GSAP: variants seen among roughly 807,000 people sequenced by gnomAD.
GSAP encodes gamma-secretase activating protein.
A neutral mutation model predicts 131.7 loss-of-function variants in GSAP; 118 were observed. The observed-to-expected ratio is 0.90, with a 90% CI of 0.77 to 1.04. GSAP has a LOEUF of 1.04. GSAP is among the 50% of genes least tolerant of loss of function. GSAP has a pLI of 0.00. For missense variants in GSAP, 1,019 were observed against 1,013.2 expected (o/e 1.01, Z -0.08); for synonymous variants, 381 against 363.4 (o/e 1.05, Z -0.55).
At position 77,343,183 on chromosome 7, in the gene GSAP, C is replaced by T. The variant is rs545153702; in HGVS notation, c.1545+6168G>A. 6.9e-5 allele frequency among the ~76,000 whole-genome samples: 10 copies of T among 145,154 alleles called. No homozygotes were observed. In the East Asian group the frequency reaches 1.2e-3, roughly 18 times the overall value. ...CTTCATGTCTGTGTGTGGCAGCTGC[C>T]GCGCTTTAATACTTTTAGAGGCCCT... On this transcript the variant is annotated intron_variant, in intron 19 of 30. Coordinates refer to ENST00000257626, the MANE Select transcript of GSAP (RefSeq NM_017439.4).
intron 5 of GSAP, among the ~76,000 whole-genome samples, chr7:77,395,354 T>C (rs1267689293): frequency 6.6e-6 from 1 of 152,120 alleles, no homozygotes; most frequent in East Asian, 1.9e-4. Context: ...CTTGGAGAAA[T>C]GGGTCTATTA....
At chr7:77,319,626 A>G (rs1208818626) in intron 26 of GSAP, among the ~76,000 whole-genome samples, 1 of 152,254 alleles carries the variant, frequency 6.6e-6, no homozygotes, top group African/African-American at 2.4e-5. Context: ...TATTCACAAT[A>G]GCCAAGATAG....
rs147496790 is a variant in GSAP at position 77,338,677 on chromosome 7, G to A, written c.1546-8310C>T. On this transcript the variant is annotated intron_variant, in intron 19 of 30. Coordinates refer to ENST00000257626, the MANE Select transcript of GSAP (RefSeq NM_017439.4). ...GGCTCTGTGGGGTCTCTTCTATGAG[G>A]GCACTAATTGCAATCACCAGGGCTC... is the stretch of plus-strand genomic sequence containing the variant. 7.0e-3 allele frequency among the ~76,000 whole-genome samples: 1,068 copies of A among 152,202 alleles called. 16 individuals carry two copies. The highest frequency in any genetic ancestry group is 0.024 in the African/African-American group (984 of 41,506).
chr7:77,391,136 A>AG (rs1357334947), intron 5 of GSAP, among the ~76,000 whole-genome samples: 5 of 148,856 alleles, frequency 3.4e-5, no homozygotes, highest in Middle Eastern at 3.5e-3. Context: ...AAAAAAAAAA[A>AG]AAAAAAAAAA....
In GSAP at chr7:77,382,604, T is replaced by C. The variant is rs373766255; in HGVS notation, c.496A>G (p.Asn166Asp). ...TCTTCTGAAATCAGTAACAGATGGTTCTCTGGAAGAGGATGACTTTCAATA... is the reference window on the plus strand; with the variant it reads ...TCTTCTGAAATCAGTAACAGATGGTCCTCTGGAAGAGGATGACTTTCAATA... ...PHIESHPLPE[N>D]HLLLISEEKY... The change falls in exon 7 of 31, where the codon AAC becomes GAC. Residue 166 changes from asparagine to aspartate, a missense_variant. Transcript: ENST00000257626. 8 of 1,574,292 alleles carry C rather than the reference T, an allele frequency of 5.1e-6. No homozygotes were observed. The African/African-American group carries it at 5.4e-5, about 11-fold the overall frequency.
Position 77,406,124 on chromosome 7 carries a change from G to A in GSAP, c.110-19C>T, listed in dbSNP as rs1802224061. The A allele has an allele frequency of 2.5e-6, 3 of 1,222,876 alleles. No individual in the cohort carries two copies. Among genetic ancestry groups the A allele is most frequent in the Admixed American group, 7.2e-5 (2 of 27,756 alleles). The allele number at this position is 1,222,876 out of a possible 1,614,324, so 75.8% of individuals were successfully genotyped here. A position where few individuals can be genotyped will look rare whatever the true frequency, so the allele number is the denominator to read the frequency against. On this transcript the variant is annotated intron_variant, in intron 1 of 30. Transcript: ENST00000257626. The stretch of plus-strand genomic sequence containing the variant: ...AAAACATCTGAAATGATAATAGGAG[G>A]TTAATACTCAGCAGAAGATGGTTAA...
At chr7:77,360,017 T>C (rs1429825374) in intron 14 of GSAP, among the ~76,000 whole-genome samples, 8 of 152,168 alleles carry the variant, frequency 5.3e-5, no homozygotes, top group Admixed American at 5.2e-4. Flanking sequence ...TCCAACCTCA[T>C]CAATGGTATC....
chr7:77,335,455 ATCC>A (rs2150720431), intron 19 of GSAP, among the ~76,000 whole-genome samples: 2 of 152,302 alleles, frequency 1.3e-5, no homozygotes, highest in South Asian at 4.1e-4. Flanking sequence ...AAGCAATCAC[ATCC>A]TCAAGGAATG....
chr7:77,325,191 A>C (rs1167744078), intron 23 of GSAP, among the ~76,000 whole-genome samples: 1 of 152,098 alleles, frequency 6.6e-6, no homozygotes, highest in Non-Finnish European at 1.5e-5. Flanking sequence ...CTTCTTGTAT[A>C]TGTGAGATTT....
chr7:77,374,311 G>GT (rs1278024729), intron 11 of GSAP, among the ~76,000 whole-genome samples, 156 bp from the exon 12 acceptor site: 1 of 152,126 alleles, frequency 6.6e-6, no homozygotes, highest in Non-Finnish European at 1.5e-5. Context: ...AAATTCTGTA[G>GT]TTTTTTCAAA....
chr7:77,339,688 T>TGGAGGACAGAAACACAG (rs559641435), intron 19 of GSAP, among the ~76,000 whole-genome samples: 3,128 of 150,790 alleles, frequency 0.021, 117 homozygotes, highest in African/African-American at 0.073. Context: ...CAGAAACACA[T>TGGAGGACAGAAACACAG]GGAGGACATA....
Position 77,352,815 on chromosome 7 carries a change from A to G in GSAP, c.1491+129T>C, listed in dbSNP as rs987403506. On this transcript the variant is annotated intron_variant, in intron 18 of 30. Coordinates refer to ENST00000257626, the MANE Select transcript of GSAP (RefSeq NM_017439.4). ...TTACTTTTCTGCCAAAAAAAATTCA[A>G]CTGAGTTCTTTATCAGTCAAAACAG... 3 of 558,832 alleles carry G rather than the reference A, an allele frequency of 5.4e-6. No individual in the cohort carries two copies. The African/African-American group carries it at 5.7e-5, about 11-fold the overall frequency. 34.6% of individuals were successfully genotyped at this position (558,832 alleles called of 1,614,324 possible).
chr7:77,345,114 C>T (rs902169196), intron 19 of GSAP, among the ~76,000 whole-genome samples: 1 of 152,134 alleles, frequency 6.6e-6, no homozygotes, highest in Non-Finnish European at 1.5e-5. Flanking sequence ...GAGGTCCTCC[C>T]AATTATTAGT....
chr7:77,378,106 G>A (rs1285914766), intron 8 of GSAP, among the ~76,000 whole-genome samples: 8 of 152,158 alleles, frequency 5.3e-5, no homozygotes, highest in Non-Finnish European at 1.0e-4. Context: ...CAGTGAGTAC[G>A]CACTCTTCTA....
At chr7:77,406,233 G>A in intron 1 of GSAP, 128 bp from the exon 2 acceptor site, 1 of 422,448 alleles carries the variant, frequency 2.4e-6, no homozygotes, top group Non-Finnish European at 3.4e-6. Flanking sequence ...TTAAAAACAG[G>A]CAAAACGAAT....
At chr7:77,380,804 T>C (rs1399654199) in intron 8 of GSAP, among the ~76,000 whole-genome samples, 2 of 152,154 alleles carry the variant, frequency 1.3e-5, no homozygotes, top group Non-Finnish European at 2.9e-5. Flanking sequence ...ATATATGGTA[T>C]AAATATATGG....
At chr7:77,361,430 A>T (rs183630796) in intron 13 of GSAP, among the ~76,000 whole-genome samples, 1 of 152,326 alleles carries the variant, frequency 6.6e-6, no homozygotes, top group East Asian at 1.9e-4. Flanking sequence ...ATTAACCATT[A>T]GAAAAATGTG....
chr7:77,319,404 T>C (rs1451712442), intron 26 of GSAP, among the ~76,000 whole-genome samples: 1 of 152,194 alleles, frequency 6.6e-6, no homozygotes, highest in African/African-American at 2.4e-5. Flanking sequence ...TTAAGTGTTA[T>C]CAAGAATGTG....
At chr7:77,397,484 T>C in intron 3 of GSAP, 69 bp from the exon 4 acceptor site, 1 of 884,722 alleles carries the variant, frequency 1.1e-6, no homozygotes. Flanking sequence ...GAACATAAAT[T>C]CCCATTAAGC....
Sources: allele counts gnomAD v4.1 joint callset (sites outside exome capture counted in the v4.1 genomes callset), GRCh38; gene constraint gnomAD v4.1.1; transcripts MANE v1.5; gene names NCBI Gene and HGNC (gene_info 2026-07-23, HGNC 2026-07-21).